Variants in CLDN16 observed in about 807,000 individuals in gnomAD.
The protein encoded by CLDN16 is claudin 16.
In CLDN16, 13 loss-of-function variants were observed where a neutral mutation model predicts 24.6. The observed-to-expected ratio is 0.53, with a 90% confidence interval of 0.34 to 0.84. The LOEUF is 0.84. Among genes scored for constraint, CLDN16 ranks in the 40% least tolerant of loss-of-function variants. CLDN16 has a pLI of 0.01. For synonymous variants in CLDN16, 116 were observed against 106.7 expected (o/e 1.09, Z -0.54); for missense variants, 298 against 292.7 (o/e 1.02, Z -0.13).
intron 2 of CLDN16, among the ~76,000 whole-genome samples, chr3:190,372,838 T>C (rs1395016717): frequency 6.6e-6 from 1 of 151,954 alleles, no homozygotes; most frequent in African/African-American, 2.4e-5. Flanking sequence ...TACGAGGGGC[T>C]TGTACCTGTA....
At chr3:190,290,817 C>T in the CLDN16 span, among the ~76,000 whole-genome samples, 1 of 151,992 alleles carries the variant, frequency 6.6e-6, no homozygotes, top group African/African-American at 2.4e-5. Flanking sequence ...AGTTATTTAT[C>T]AAATACTAGC....
intron 1 of CLDN16, among the ~76,000 whole-genome samples, chr3:190,333,157 T>A (rs1717219257): frequency 6.6e-6 from 1 of 152,158 alleles, no homozygotes; most frequent in African/African-American, 2.4e-5. Context: ...CATTAGCATG[T>A]GCGTTATGCG....
At chr3:190,294,834 A>G in the CLDN16 span, among the ~76,000 whole-genome samples, 4 of 152,150 alleles carry the variant, frequency 2.6e-5, no homozygotes, top group African/African-American at 9.6e-5. Flanking sequence ...TGCTTTTGAA[A>G]ATGTCTTGCA....
At chr3:190,340,904 G>A (rs1444440785) in intron 1 of CLDN16, among the ~76,000 whole-genome samples, 2 of 152,148 alleles carry the variant, frequency 1.3e-5, no homozygotes, top group African/African-American at 2.4e-5. Context: ...CATGCAAGTC[G>A]GAAATCCAGC....
At chr3:190,405,072 AGCCCT>A in intron 3 of CLDN16, 146 bp downstream of exon 3, 3 of 785,918 alleles carry the variant, frequency 3.8e-6, no homozygotes. Flanking sequence ...CACTTCTACC[AGCCCT>A]GCATACTTTA....
chr3:190,411,589 A>G lies in CLDN16; in HGVS notation c.*1553A>G, dbSNP rs1660340440. ...AAAAGAAATTAAGTTGTGAATTTCT[A>G]AAGACCTTGAAATAAGTGTTTCAAA... On this transcript the variant is annotated 3_prime_UTR_variant, in exon 5 of 5. Transcript: ENST00000264734. 1 of 152,200 alleles carries G rather than the reference A, an allele frequency of 6.6e-6. No individual in the cohort carries two copies. The highest frequency in any genetic ancestry group is 6.5e-5 in the Admixed American group (1 of 15,278). 9.4% of individuals were successfully genotyped at this position (152,200 alleles called of 1,614,324 possible). A position where few individuals can be genotyped will look rare whatever the true frequency, so the allele number is the denominator to read the frequency against.
At chr3:190,407,937 T>C (rs1462063484) in intron 3 of CLDN16, among the ~76,000 whole-genome samples, 1 of 152,200 alleles carries the variant, frequency 6.6e-6, no homozygotes, top group African/African-American at 2.4e-5. Context: ...GTTGTTTGTG[T>C]TAGACTACAT....
chr3:190,400,122 A>G (rs1718926721), intron 1 of CLDN16, among the ~76,000 whole-genome samples: 1 of 152,102 alleles, frequency 6.6e-6, no homozygotes, highest in Admixed American at 6.5e-5. Context: ...GAACACTGGA[A>G]CTTATTCCTC....
At chr3:190,308,178 A>T in the CLDN16 span, 1 of 1,430,234 alleles carries the variant, frequency 7.0e-7, no homozygotes, top group Non-Finnish European at 9.8e-7. Flanking sequence ...CATACTTCAG[A>T]TTACAATACC....
At chr3:190,400,562 G>T (rs888627440) in intron 1 of CLDN16, among the ~76,000 whole-genome samples, 4 of 152,144 alleles carry the variant, frequency 2.6e-5, no homozygotes, top group African/African-American at 9.7e-5. Flanking sequence ...CCACATATGA[G>T]TAAAAATATG....
chr3:190,322,198 G>A, upstream of CLDN16: 2 of 1,613,728 alleles, frequency 1.2e-6, no homozygotes, highest in Non-Finnish European at 1.7e-6. Flanking sequence ...GCAGCCCCGC[G>A]TTGGCCATGA....
At chr3:190,359,923 G>A (rs568001242) in intron 1 of CLDN16, among the ~76,000 whole-genome samples, 1 of 151,990 alleles carries the variant, frequency 6.6e-6, no homozygotes, top group African/African-American at 2.4e-5. Flanking sequence ...CATGGATCTC[G>A]AGTTTTGGCA....
chr3:190,403,105 A>G (rs1015930788), intron 2 of CLDN16, among the ~76,000 whole-genome samples: 2 of 152,172 alleles, frequency 1.3e-5, no homozygotes, highest in Non-Finnish European at 2.9e-5. Context: ...AGGCGGGTGG[A>G]TCACTGGAGG....
chr3:190,323,027 C>CACACACACACACACACACACAG lies in CLDN16; in HGVS notation n.121+367_121+368insCACACACACACACACACACAGA, dbSNP rs1219134741. Among the ~76,000 whole-genome samples the CACACACACACACACACACACAG allele has an allele frequency of 8.0e-5, 12 of 149,966 alleles. No homozygotes were observed. The East Asian group carries it at 2.0e-3, about 25-fold the overall frequency. ...TTACACACACACACACACACACACA[C>CACACACACACACACACACACAG]AGACACACTCACGCACGGAGCATAT... On this transcript the variant is annotated intron_variant and non_coding_transcript_variant, in intron 1 of 4. Coordinates refer to the CLDN16 transcript ENST00000468220.
intron 1 of CLDN16, among the ~76,000 whole-genome samples, chr3:190,390,526 C>A (rs529334409): frequency 7.2e-6 from 1 of 138,358 alleles, no homozygotes; most frequent in Admixed American, 7.6e-5. Flanking sequence ...GAGCGAGACT[C>A]CATCTTAAAA....
chr3:190,346,300 T>TAG (rs1310414265), intron 1 of CLDN16, among the ~76,000 whole-genome samples: 1 of 152,152 alleles, frequency 6.6e-6, no homozygotes, highest in Non-Finnish European at 1.5e-5. Context: ...AAGTACCATG[T>TAG]AGAGATGTGG....
intron 3 of CLDN16, 34 bp from the exon 4 acceptor site, chr3:190,408,280 C>T: frequency 6.3e-7 from 1 of 1,588,218 alleles, no homozygotes; most frequent in Non-Finnish European, 8.6e-7. Context: ...AGAAAATGTC[C>T]CCTATTATTT....
intron 2 of CLDN16, among the ~76,000 whole-genome samples, chr3:190,373,701 G>A (rs890722249): frequency 1.3e-5 from 2 of 151,874 alleles, no homozygotes; most frequent in African/African-American, 2.4e-5. Context: ...ACAGGTGTCA[G>A]TCATCACTGA....
upstream of CLDN16, chr3:190,387,916 C>A: frequency 1.7e-6 from 1 of 603,684 alleles, no homozygotes; most frequent in Admixed American, 2.8e-5. Flanking sequence ...CCCTAGAGGG[C>A]CTAAGAAAGA....
Sources: gnomAD v4.1 joint callset for allele counts (sites outside exome capture counted in the v4.1 genomes callset) on GRCh38, gnomAD v4.1.1 for gene constraint, MANE v1.5 for transcripts, NCBI Gene and HGNC (gene_info 2026-07-23, HGNC 2026-07-21) for gene names.